LRRC72: variants seen among roughly 807,000 people sequenced by gnomAD.
LRRC72 encodes the protein leucine-rich repeat-containing protein 72.
Under a neutral mutation model 35.8 loss-of-function variants are expected in LRRC72, and 41 were observed. The ratio of observed to expected loss-of-function variants is 1.15; its 90% CI spans 0.89 to 1.49. LRRC72 has a LOEUF of 1.49. Ranked by LOEUF, LRRC72 falls within the 40% of genes most tolerant of loss-of-function variation. LRRC72 has a pLI of 0.00. For missense variants in LRRC72, 389 were observed against 330.7 expected, an observed-to-expected ratio of 1.18 and a Z score of -1.37; for synonymous variants, 118 against 119.2, an observed-to-expected ratio of 0.99 and a Z score of 0.07.
At chr7:16,562,499 T>A (rs1437363155) in intron 5 of LRRC72, among the ~76,000 whole-genome samples, 2 of 152,262 alleles carry the variant, frequency 1.3e-5, no homozygotes, top group Non-Finnish European at 2.9e-5. Context: ...GACTCCTGCA[T>A]GCCATAATTG....
intron 3 of LRRC72, among the ~76,000 whole-genome samples, chr7:16,554,997 G>A (rs1782625667): frequency 6.6e-6 from 1 of 152,276 alleles, no homozygotes; most frequent in East Asian, 1.9e-4. Flanking sequence ...TTAAAGCAGG[G>A]AGTGGTGAGA....
At chr7:16,568,299 A>G (rs1175981289) in intron 7 of LRRC72, among the ~76,000 whole-genome samples, 1 of 152,234 alleles carries the variant, frequency 6.6e-6, no homozygotes, top group Non-Finnish European at 1.5e-5. Flanking sequence ...GTGGATAAGA[A>G]AAGGTGCAAA....
intron 3 of LRRC72, among the ~76,000 whole-genome samples, chr7:16,549,912 G>C (rs1782518726): frequency 6.6e-6 from 1 of 152,158 alleles, no homozygotes; most frequent in Non-Finnish European, 1.5e-5. Flanking sequence ...TACCAGAAAA[G>C]GATAGTTATT....
At chr7:16,531,404 T>C (rs1180664477) in intron 1 of LRRC72, among the ~76,000 whole-genome samples, 4 of 152,128 alleles carry the variant, frequency 2.6e-5, no homozygotes, top group African/African-American at 4.8e-5. Flanking sequence ...GACTATACAT[T>C]TGCAGCTGCT....
intron 3 of LRRC72, among the ~76,000 whole-genome samples, chr7:16,540,436 A>C (rs868393974): frequency 1.9e-4 from 29 of 152,276 alleles, no homozygotes; most frequent in African/African-American, 7.0e-4. Context: ...CCTTGTCTCA[A>C]ATGAGACTTT....
In LRRC72 at chr7:16,537,675, C is replaced by G; in HGVS notation, c.213C>G (p.Tyr71Ter). ...IDLSRFKKLK[Y>*]LWLHHNKLHG... is the part of the protein sequence containing the mutation. Reference sequence around the variant, plus strand: ...TTTCTAGGTTTAAAAAATTAAAATACTTATGGCTTCATCATAACAAGGTAG... The same window carrying G: ...TTTCTAGGTTTAAAAAATTAAAATAGTTATGGCTTCATCATAACAAGGTAG... Residue 71 changes from tyrosine (Y) to a stop codon, truncating the protein, a stop_gained, in exon 3 of 9, where the codon TAC (tyrosine) becomes TAG (stop). Transcript: ENST00000401542. LOFTEE classifies it high-confidence loss of function. 2.0e-6 allele frequency: 3 copies of G among 1,517,980 alleles called. No individual in the cohort carries two copies. Among genetic ancestry groups the G allele is most frequent in the Non-Finnish European group, 2.7e-6 (3 of 1,126,068 alleles). The allele number at this position is 1,517,980 out of a possible 1,614,324, so 94.0% of individuals were successfully genotyped here.
intron 3 of LRRC72, among the ~76,000 whole-genome samples, chr7:16,544,686 AAT>A (rs1248913216): frequency 1.3e-5 from 2 of 152,192 alleles, no homozygotes; most frequent in African/African-American, 4.8e-5. Context: ...TTACTTCAAA[AAT>A]TTTCTTTTAT....
chr7:16,562,092 AC>A (rs1782753035), intron 5 of LRRC72, among the ~76,000 whole-genome samples: 1 of 152,138 alleles, frequency 6.6e-6, no homozygotes, highest in Non-Finnish European at 1.5e-5. Context: ...TGCCTAGGAG[AC>A]GCATGGCTGA....
chr7:16,547,188 A>T (rs1166454373), intron 3 of LRRC72, among the ~76,000 whole-genome samples: 1 of 151,864 alleles, frequency 6.6e-6, no homozygotes, highest in Non-Finnish European at 1.5e-5. Context: ...CGTGGAGGGG[A>T]GGTGGAAAGG....
chr7:16,558,608 C>T (rs1036508195), intron 4 of LRRC72, among the ~76,000 whole-genome samples: 5 of 151,560 alleles, frequency 3.3e-5, no homozygotes, highest in African/African-American at 1.2e-4. Flanking sequence ...GAAACTCCAT[C>T]TCAAAAAATA....
chr7:16,562,623 C>A (rs540058215), intron 5 of LRRC72, among the ~76,000 whole-genome samples: 195 of 152,268 alleles, frequency 1.3e-3, no homozygotes, highest in Non-Finnish European at 2.1e-3. Flanking sequence ...ACACTTCCTG[C>A]CGTTGTCTTC....
chr7:16,565,176 G>A (rs750423565), intron 5 of LRRC72, among the ~76,000 whole-genome samples: 1 of 152,176 alleles, frequency 6.6e-6, no homozygotes, highest in Non-Finnish European at 1.5e-5. Flanking sequence ...AGGTGCGGTG[G>A]CTGATGCCTG....
At chr7:16,537,924 A>C (rs909303335) in intron 3 of LRRC72, among the ~76,000 whole-genome samples, 2 of 152,152 alleles carry the variant, frequency 1.3e-5, no homozygotes, top group Non-Finnish European at 2.9e-5. Flanking sequence ...AGGTGCTATC[A>C]AATTGCAATT....
chr7:16,570,149 C>T (rs1157006059), intron 7 of LRRC72, among the ~76,000 whole-genome samples: 1 of 152,136 alleles, frequency 6.6e-6, no homozygotes, highest in Non-Finnish European at 1.5e-5. Flanking sequence ...GGCAAATGTT[C>T]TTTTGAGAGG....
chr7:16,581,566 T>TAA lies in LRRC72; in HGVS notation c.*78_*79insAA. The TAA allele has an allele frequency of 9.3e-7, 1 of 1,070,956 alleles. No homozygotes were observed. The highest frequency in any genetic ancestry group is 1.2e-6 in the Non-Finnish European group (1 of 807,828). 66.3% of individuals were successfully genotyped at this position (1,070,956 alleles called of 1,614,324 possible). On this transcript the variant is annotated 3_prime_UTR_variant, in exon 9 of 9. Coordinates refer to ENST00000401542, the MANE Select transcript of LRRC72 (RefSeq NM_001195280.2). The stretch of plus-strand genomic sequence containing the variant: ...CCTGTGACTTAGCATATTACATACT[T>TAA]ACAATGATATTATTTGAGACATCTA...
At position 16,551,422 on chromosome 7, in the gene LRRC72, G is replaced by C. The variant is rs1349645030; in HGVS notation, c.235-5938G>C. Among the ~76,000 whole-genome samples the C allele has an allele frequency of 3.9e-5, 6 of 152,134 alleles. No homozygotes were observed. In the East Asian group the frequency reaches 1.2e-3, roughly 29 times the overall value. ...TAGTATGCTAAAGAATTGAGTGATG[G>C]TTGGCAGCTCCCAGGCAGCTTCAGG... On this transcript the variant is annotated intron_variant, in intron 3 of 8. Transcript: ENST00000401542.
chr7:16,555,202 T>C (rs557794043), intron 3 of LRRC72, among the ~76,000 whole-genome samples: 24 of 152,290 alleles, frequency 1.6e-4, no homozygotes, highest in African/African-American at 5.5e-4. Flanking sequence ...GCTGGCATAA[T>C]TTGGTGGAGA....
At chr7:16,564,623 T>A (rs1002315338) in intron 5 of LRRC72, among the ~76,000 whole-genome samples, 5 of 152,200 alleles carry the variant, frequency 3.3e-5, no homozygotes, top group African/African-American at 1.2e-4. Context: ...ATGCCTTTCC[T>A]CACTCCTGTA....
intron 3 of LRRC72, among the ~76,000 whole-genome samples, chr7:16,551,160 G>T (rs1734778442): frequency 6.6e-6 from 1 of 152,156 alleles, no homozygotes; most frequent in African/African-American, 2.4e-5. Flanking sequence ...GACAGAGAGA[G>T]CCAGAGACTA....
Sources: gnomAD v4.1 joint callset for allele counts (sites outside exome capture counted in the v4.1 genomes callset) on GRCh38, gnomAD v4.1.1 for gene constraint, MANE v1.5 for transcripts, NCBI Gene and HGNC (gene_info 2026-07-23, HGNC 2026-07-21) for gene names.